The following NEK10 variants were observed in gnomAD, a reference collection of about 807,000 sequenced individuals.
NEK10 encodes the protein serine/threonine-protein kinase Nek10.
Under a neutral mutation model 159.8 loss-of-function variants are expected in NEK10, and 122 were observed. The ratio of observed to expected loss-of-function variants is 0.76; its 90% CI spans 0.66 to 0.89. The LOEUF (loss-of-function observed/expected upper bound fraction) is 0.89. Among genes scored for constraint, NEK10 ranks in the 40% least tolerant of loss-of-function variants. NEK10 has a pLI of 0.00. For missense variants in NEK10, 1,342 were observed against 1,323.1 expected, an observed-to-expected ratio of 1.01 and a Z score of -0.22; for synonymous variants, 466 against 457.1, an observed-to-expected ratio of 1.02 and a Z score of -0.25.
At chr3:27,320,444 A>G (rs1404027660) in intron 6 of NEK10, among the ~76,000 whole-genome samples, 2 of 152,214 alleles carry the variant, frequency 1.3e-5, no homozygotes. Flanking sequence ...TTTTCATCTA[A>G]ACTGAGACAC....
At chr3:27,238,996 A>C (rs1385138511) in intron 23 of NEK10, among the ~76,000 whole-genome samples, 1 of 152,008 alleles carries the variant, frequency 6.6e-6, no homozygotes, top group Non-Finnish European at 1.5e-5. Context: ...GCAAGAGTCA[A>C]CCAATCAGAG....
intron 5 of NEK10, among the ~76,000 whole-genome samples, chr3:27,329,526 T>G (rs1215773282): frequency 6.6e-6 from 1 of 152,152 alleles, no homozygotes; most frequent in Non-Finnish European, 1.5e-5. Flanking sequence ...CTGTCATTTA[T>G]TGATTTGGCC....
At chr3:27,135,697 A>C (rs1316894961) in intron 31 of NEK10, among the ~76,000 whole-genome samples, 1 of 152,244 alleles carries the variant, frequency 6.6e-6, no homozygotes, top group East Asian at 1.9e-4. Flanking sequence ...TTACTGCATA[A>C]GAGGATATTT....
chr3:27,126,092 T>C lies in NEK10; in HGVS notation c.3081+5788A>G, dbSNP rs187597270. 3.3e-5 allele frequency among the ~76,000 whole-genome samples: 5 copies of C among 152,280 alleles called. No homozygotes were observed. In the East Asian group the frequency reaches 5.8e-4, roughly 18 times the overall value. On this transcript the variant is annotated intron_variant, in intron 32 of 35. Coordinates refer to ENST00000691995, the MANE Select transcript of NEK10 (RefSeq NM_001394966.1). ...GTGCAAACCTAAGTCATGATTATTATATGCATAAAGAGCCGTTAATTCAAG... is the reference window on the plus strand; with the variant it reads ...GTGCAAACCTAAGTCATGATTATTACATGCATAAAGAGCCGTTAATTCAAG...
chr3:27,365,890 C>T (rs1344492509), intron 1 of NEK10, among the ~76,000 whole-genome samples: 2 of 151,998 alleles, frequency 1.3e-5, no homozygotes, highest in Non-Finnish European at 2.9e-5. Context: ...GCCATCATGC[C>T]TGGCCATTCC....
At chr3:27,230,030 A>G (rs775629134) in intron 23 of NEK10, among the ~76,000 whole-genome samples, 6 of 152,108 alleles carry the variant, frequency 3.9e-5, no homozygotes, top group Non-Finnish European at 8.8e-5. Context: ...CTCCTGGGAA[A>G]TTAATTACAA....
intron 31 of NEK10, among the ~76,000 whole-genome samples, chr3:27,139,291 T>G (rs766875906): frequency 6.6e-6 from 1 of 152,168 alleles, no homozygotes; most frequent in African/African-American, 2.4e-5. Context: ...TGCCACTCTG[T>G]GTCTGAGAAC....
At chr3:27,183,245 T>A (rs1948301119) in intron 26 of NEK10, among the ~76,000 whole-genome samples, 1 of 151,440 alleles carries the variant, frequency 6.6e-6, no homozygotes, top group South Asian at 2.1e-4. Flanking sequence ...AAATTTAAAA[T>A]TTAAAAATAT....
intron 1 of NEK10, among the ~76,000 whole-genome samples, chr3:27,358,491 G>A (rs1254328926): frequency 2.6e-5 from 4 of 152,098 alleles, no homozygotes; most frequent in Non-Finnish European, 2.9e-5. Flanking sequence ...TTGAAATTTG[G>A]GTTAATGCTA....
At chr3:27,242,224 G>A (rs945328357) in intron 23 of NEK10, among the ~76,000 whole-genome samples, 6 of 152,140 alleles carry the variant, frequency 3.9e-5, no homozygotes, top group Non-Finnish European at 5.9e-5. Flanking sequence ...TAAAGGCAGG[G>A]AAGAAATATT....
intron 19 of NEK10, among the ~76,000 whole-genome samples, chr3:27,288,350 C>T (rs2042764198): frequency 6.6e-6 from 1 of 152,350 alleles, no homozygotes; most frequent in Admixed American, 6.5e-5. Context: ...GACTAGGCCT[C>T]ATCCTTGGTC....
intron 9 of NEK10, 166 bp downstream of exon 9, chr3:27,310,783 C>T (rs2044629174): frequency 4.2e-6 from 2 of 472,720 alleles, no homozygotes; most frequent in East Asian, 6.6e-5. Context: ...ACTTGTAATG[C>T]TGGTAAAGAA....
At chr3:27,314,372 T>A (rs766985424) in intron 6 of NEK10, 34 bp from the exon 7 acceptor site, 5 of 1,332,906 alleles carry the variant, frequency 3.8e-6, no homozygotes. Context: ...CACATGTAAA[T>A]GATGAGGGTG....
chr3:27,171,986 A>C (rs1487182405), intron 28 of NEK10, 113 bp from the exon 29 acceptor site: 6 of 1,147,822 alleles, frequency 5.2e-6, no homozygotes, highest in African/African-American at 1.6e-5. Flanking sequence ...TGCAGAGAAA[A>C]GGGAACTCAT....
chr3:27,260,856 T>A (rs187951562), intron 22 of NEK10, among the ~76,000 whole-genome samples: 242 of 152,256 alleles, frequency 1.6e-3, no homozygotes, highest in African/African-American at 5.4e-3. Flanking sequence ...GGTCCTAGAC[T>A]TTTTTTGGTT....
At chr3:27,346,551 A>G (rs559845752) in intron 3 of NEK10, among the ~76,000 whole-genome samples, 172 of 152,306 alleles carry the variant, frequency 1.1e-3, no homozygotes, top group Non-Finnish European at 1.4e-3. Flanking sequence ...CCCAGCACCT[A>G]AAACAGATAT....
At chr3:27,158,963 T>C (rs755660462) in intron 30 of NEK10, among the ~76,000 whole-genome samples, 22 of 152,126 alleles carry the variant, frequency 1.4e-4, no homozygotes, top group Non-Finnish European at 2.6e-4. Flanking sequence ...ACCTGAGACC[T>C]TTTTCCCCAA....
At chr3:27,343,860 T>C (rs1338303614) in intron 5 of NEK10, among the ~76,000 whole-genome samples, 1 of 152,214 alleles carries the variant, frequency 6.6e-6, no homozygotes, top group African/African-American at 2.4e-5. Context: ...TGGCTGGATG[T>C]TACACACTCA....
chr3:27,247,784 C>T (rs1033243596), intron 23 of NEK10, among the ~76,000 whole-genome samples: 3 of 150,276 alleles, frequency 2.0e-5, no homozygotes, highest in African/African-American at 7.3e-5. Context: ...CAATATTGGC[C>T]TGCAGTTTTC....
Sources: allele counts gnomAD v4.1 joint callset (sites outside exome capture counted in the v4.1 genomes callset), GRCh38; gene constraint gnomAD v4.1.1; transcripts MANE v1.5; gene names NCBI Gene and HGNC (gene_info 2026-07-23, HGNC 2026-07-21).